GTPBP10: variants seen among roughly 807,000 people sequenced by gnomAD.
GTPBP10 encodes the protein GTP binding protein 10.
A neutral mutation model predicts 44.8 loss-of-function variants in GTPBP10; 38 were observed. The ratio of observed to expected loss-of-function variants is 0.85; its 90% CI spans 0.65 to 1.11. GTPBP10 has a LOEUF of 1.11. Ranked by LOEUF, GTPBP10 falls within the 50% of genes most tolerant of loss-of-function variation. The probability of loss-of-function intolerance (pLI) is 0.00; values close to 1 mark genes in which losing one functional copy is unlikely to be tolerated. For synonymous variants in GTPBP10, 152 were observed against 150.6 expected, an observed-to-expected ratio of 1.01 and a Z score of -0.07; for missense variants, 462 against 453.7, an observed-to-expected ratio of 1.02 and a Z score of -0.17.
chr7:90,364,456 C>A (rs1796091715), intron 4 of GTPBP10, among the ~76,000 whole-genome samples: 1 of 152,196 alleles, frequency 6.6e-6, no homozygotes, highest in Non-Finnish European at 1.5e-5. Context: ...GTGAATATTG[C>A]TGAACAGCAA....
chr7:90,360,522 A>G (rs980357117), intron 4 of GTPBP10, among the ~76,000 whole-genome samples: 1 of 152,216 alleles, frequency 6.6e-6, no homozygotes, highest in South Asian at 2.1e-4. Flanking sequence ...TACCAGTACC[A>G]TGCTGTTTTG....
chr7:90,369,991 G>A (rs7783199), intron 4 of GTPBP10, among the ~76,000 whole-genome samples: 73,965 of 151,962 alleles, frequency 0.49, 19,024 homozygotes, highest in African/African-American at 0.65. Flanking sequence ...GTTATAATGG[G>A]CATTGGAGAC....
At chr7:90,378,718 C>CT (rs374806837) in intron 8 of GTPBP10, among the ~76,000 whole-genome samples, 173 of 151,268 alleles carry the variant, frequency 1.1e-3, no homozygotes, top group African/African-American at 3.5e-3. Context: ...ATTGTTCTTT[C>CT]TTTTTTTTTG....
At chr7:90,362,000 G>A (rs1018114194) in intron 4 of GTPBP10, among the ~76,000 whole-genome samples, 33 of 152,024 alleles carry the variant, frequency 2.2e-4, no homozygotes, top group East Asian at 3.9e-4. Context: ...TTTTTATTGC[G>A]TCTATTTGAT....
rs1262581664 is a variant in GTPBP10, at chr7:90,372,452, C to CT, written c.538+225dup. ...GCATCAGCCTCCCATGTAGATGGGACTACAGGTATGTGCCACCATGCTTGG... is the reference window on the plus strand; with the variant it reads ...GCATCAGCCTCCCATGTAGATGGGACTTACAGGTATGTGCCACCATGCTTGG... On this transcript the variant is annotated intron_variant, in intron 5 of 9. Transcript: ENST00000222511. Among the ~76,000 whole-genome samples the CT allele has an allele frequency of 2.0e-5, 3 of 147,028 alleles. No individual in the cohort carries two copies. The East Asian group carries it at 6.0e-4, about 29-fold the overall frequency.
At chr7:90,376,434 G>T (rs911741664) in intron 6 of GTPBP10, among the ~76,000 whole-genome samples, 1 of 152,136 alleles carries the variant, frequency 6.6e-6, no homozygotes, top group Non-Finnish European at 1.5e-5. Context: ...TGTTTCACCT[G>T]ACTGATCTTA....
At position 90,382,967 on chromosome 7, in the gene GTPBP10, G is replaced by C; in HGVS notation, c.789G>C (p.Leu263Phe). ...TIILLTKELELYKEELQTKPA... is the reference protein window; with the variant it reads ...TIILLTKELEFYKEELQTKPA... Reference sequence around the variant, plus strand: ...CTTTTGATTTAAAGGAGTTGGAATTGTACAAAGAGGAACTTCAGACAAAAC... The same window carrying C: ...CTTTTGATTTAAAGGAGTTGGAATTCTACAAAGAGGAACTTCAGACAAAAC... Residue 263 changes from leucine to phenylalanine, a missense_variant, in exon 9 of 10, where the codon TTG becomes TTC. Coordinates refer to ENST00000222511, the MANE Select transcript of GTPBP10 (RefSeq NM_033107.4). The C allele has an allele frequency of 6.4e-7, 1 of 1,573,614 alleles. No homozygotes were observed. The highest frequency in any genetic ancestry group is 1.2e-5 in the South Asian group (1 of 83,008).
chr7:90,350,863 C>T (rs1003271313), intron 1 of GTPBP10, among the ~76,000 whole-genome samples: 45 of 152,186 alleles, frequency 3.0e-4, no homozygotes, highest in Non-Finnish European at 2.9e-5. Context: ...ATCTTTTTAT[C>T]GTAGTGTCAT....
At chr7:90,372,848 A>G (rs751364039) in intron 5 of GTPBP10, among the ~76,000 whole-genome samples, 3 of 152,128 alleles carry the variant, frequency 2.0e-5, no homozygotes, top group Non-Finnish European at 4.4e-5. Flanking sequence ...TGGGATTACA[A>G]AGACTGATAA....
intron 6 of GTPBP10, among the ~76,000 whole-genome samples, chr7:90,375,548 G>T (rs1796330855): frequency 6.6e-6 from 1 of 152,078 alleles, no homozygotes; most frequent in South Asian, 2.1e-4. Flanking sequence ...TTATAATATA[G>T]AATGTTAACT....
intron 4 of GTPBP10, among the ~76,000 whole-genome samples, chr7:90,365,368 CTTTTTTTTTTTTT>C (rs59645149): frequency 2.7e-4 from 24 of 90,368 alleles, no homozygotes; most frequent in Admixed American, 1.8e-3. Context: ...TTGGGGTTTT[CTTTTTTTTTTTTT>C]TTTTTTTTTT....
intron 4 of GTPBP10, among the ~76,000 whole-genome samples, chr7:90,363,193 A>G (rs1477269124): frequency 6.6e-6 from 1 of 152,020 alleles, no homozygotes; most frequent in East Asian, 1.9e-4. Context: ...TTAGCTGGTT[A>G]TTTTGCTCGT....
At chr7:90,359,487 C>G (rs1456588573) in intron 4 of GTPBP10, among the ~76,000 whole-genome samples, 1 of 152,164 alleles carries the variant, frequency 6.6e-6, no homozygotes, top group Non-Finnish European at 1.5e-5. Flanking sequence ...TTTTTTATGG[C>G]TGCATACCAT....
intron 4 of GTPBP10, among the ~76,000 whole-genome samples, chr7:90,371,463 A>G (rs1023556384): frequency 1.3e-5 from 2 of 152,344 alleles, no homozygotes; most frequent in South Asian, 2.1e-4. Flanking sequence ...TGCAGACAAT[A>G]GAGGGAAAAA....
chr7:90,364,492 G>C (rs1796092452), intron 4 of GTPBP10, among the ~76,000 whole-genome samples: 1 of 152,178 alleles, frequency 6.6e-6, no homozygotes, highest in African/African-American at 2.4e-5. Context: ...CGTTCCTCTG[G>C]AAGCTTCATC....
chr7:90,375,326 C>T (rs1373385545), intron 6 of GTPBP10, among the ~76,000 whole-genome samples: 2 of 151,932 alleles, frequency 1.3e-5, no homozygotes, highest in Non-Finnish European at 2.9e-5. Context: ...TATAATATTA[C>T]AGCAACATTG....
At chr7:90,368,410 A>T (rs1045588950) in intron 4 of GTPBP10, among the ~76,000 whole-genome samples, 8 of 152,354 alleles carry the variant, frequency 5.3e-5, no homozygotes, top group Admixed American at 2.6e-4. Context: ...AGTCACTTTC[A>T]GGTACAGTAC....
In GTPBP10 at chr7:90,360,579, C is replaced by T. The variant is rs189286318; in HGVS notation, c.464+5349C>T. ...AGTTTGAAGTCAGGTAGCATGATGTCTCCAGCTTTGCTTTTTGGCTTAGGA... is the reference window on the plus strand; with the variant it reads ...AGTTTGAAGTCAGGTAGCATGATGTTTCCAGCTTTGCTTTTTGGCTTAGGA... On this transcript the variant is annotated intron_variant, in intron 4 of 9. Transcript: ENST00000222511. Among the ~76,000 whole-genome samples the T allele has an allele frequency of 3.1e-4, 47 of 152,312 alleles. 1 individual carries two copies. The East Asian group carries it at 8.7e-3, about 28-fold the overall frequency.
In GTPBP10 at chr7:90,377,594, A is replaced by G. The variant is rs1367841060; in HGVS notation, c.679A>G (p.Thr227Ala). The change falls in exon 7 of 10, where the codon ACT (threonine) becomes GCT (alanine). Residue 227 changes from threonine (T) to alanine (A), a missense_variant. Physicochemically the swap from Thr to Ala is moderately conservative, Grantham distance 58. Coordinates refer to ENST00000222511, the MANE Select transcript of GTPBP10 (RefSeq NM_033107.4). ...CAAATTCCTCAAGCATATAGAAAGA[A>G]CTAGACAACTACTTTTTGTTGTAAG... ...GHKFLKHIER[T>A]RQLLFVVDIS... The G allele has an allele frequency of 6.2e-7, 1 of 1,606,092 alleles. No homozygotes were observed. Among genetic ancestry groups the G allele is most frequent in the South Asian group, 1.1e-5 (1 of 90,030 alleles).
Sources: allele counts gnomAD v4.1 joint callset (sites outside exome capture counted in the v4.1 genomes callset), GRCh38; gene constraint gnomAD v4.1.1; transcripts MANE v1.5; gene names NCBI Gene and HGNC (gene_info 2026-07-23, HGNC 2026-07-21).